ILDR2: variants seen among roughly 807,000 people sequenced by gnomAD.
ILDR2 encodes immunoglobulin like domain containing receptor 2.
A neutral mutation model predicts 66.8 loss-of-function variants in ILDR2; 25 were observed. The observed-to-expected ratio is 0.37, with a 90% CI of 0.27 to 0.52. ILDR2 has a LOEUF of 0.52. ILDR2 is among the 20% of genes least tolerant of loss of function. The pLI is 0.88. For missense variants in ILDR2, 827 were observed against 876.8 expected (o/e 0.94, Z 0.72); for synonymous variants, 367 against 357.2 (o/e 1.03, Z -0.31).
intron 3 of ILDR2, among the ~76,000 whole-genome samples, chr1:166,943,475 G>A (rs1014457996): frequency 4.6e-5 from 5 of 108,308 alleles, no homozygotes; most frequent in African/African-American, 1.1e-4. Flanking sequence ...CTGGGCGACA[G>A]AGCGAGACTC....
chr1:166,970,517 A>G (rs1057456385), intron 1 of ILDR2, among the ~76,000 whole-genome samples: 2 of 152,198 alleles, frequency 1.3e-5, no homozygotes, highest in Admixed American at 6.5e-5. Flanking sequence ...ATTTAAGACC[A>G]AGATCCAAAC....
At chr1:166,955,291 C>T (rs1662212224) in intron 3 of ILDR2, among the ~76,000 whole-genome samples, 1 of 152,154 alleles carries the variant, frequency 6.6e-6, no homozygotes, top group Non-Finnish European at 1.5e-5. Context: ...AGACCATTAT[C>T]ACCTTAATCC....
chr1:166,967,152 G>C (rs919534341), intron 1 of ILDR2, among the ~76,000 whole-genome samples: 1 of 152,204 alleles, frequency 6.6e-6, no homozygotes, highest in African/African-American at 2.4e-5. Flanking sequence ...TAGGAGAAGC[G>C]ATGTGTGTAA....
Position 166,908,610 on chromosome 1 carries a change from CA to C in ILDR2, c.*10744del. On this transcript the variant is annotated 3_prime_UTR_variant, in exon 10 of 10. Transcript: ENST00000271417. ...TCTTGAAACTGTCTGGAACCTCTAACAAAAAAAGTAGAAGGTGAATAATTAG... is the reference window on the plus strand; with the variant it reads ...TCTTGAAACTGTCTGGAACCTCTAACAAAAAAGTAGAAGGTGAATAATTAG... 6.6e-6 allele frequency: 1 copy of C among 152,074 alleles called. No homozygotes were observed. The highest frequency in any genetic ancestry group is 1.5e-5 in the Non-Finnish European group (1 of 67,980). 9.4% of individuals were successfully genotyped at this position (152,074 alleles called of 1,614,324 possible). A position where few individuals can be genotyped will look rare whatever the true frequency, so the allele number is the denominator to read the frequency against.
At position 166,908,335 on chromosome 1, in the gene ILDR2, A is replaced by T. The variant is rs569398969; in HGVS notation, c.*11020T>A. On this transcript the variant is annotated 3_prime_UTR_variant, in exon 10 of 10. Transcript: ENST00000271417. ...GTATCCTCACATGGCAGAGAAAGAG[A>T]GGAAGTAATCTCTCTCCTGTCTCTT... 9.8e-5 allele frequency: 15 copies of T among 152,318 alleles called. No homozygotes were observed. In the East Asian group the frequency reaches 2.9e-3, roughly 29 times the overall value. 9.4% of individuals were successfully genotyped at this position (152,318 alleles called of 1,614,324 possible).
intron 2 of ILDR2, among the ~76,000 whole-genome samples, chr1:166,897,600 C>A (rs1659195051): frequency 6.6e-6 from 1 of 152,172 alleles, no homozygotes; most frequent in Admixed American, 6.5e-5. Flanking sequence ...AGATTGAGTT[C>A]AATCACATGG....
chr1:166,951,359 G>A (rs565043680), intron 3 of ILDR2, among the ~76,000 whole-genome samples: 1 of 152,304 alleles, frequency 6.6e-6, no homozygotes, highest in East Asian at 1.9e-4. Flanking sequence ...ATGGAGATGA[G>A]GAGACAGAGA....
rs1571095211 is a variant in ILDR2, at chr1:166,919,015, A to C, written c.*340T>G. The C allele has an allele frequency of 2.4e-6, 1 of 416,416 alleles. No individual in the cohort carries two copies. The highest frequency in any genetic ancestry group is 3.5e-5 in the East Asian group (1 of 28,796). The allele number at this position is 416,416 out of a possible 1,614,324, so 25.8% of individuals were successfully genotyped here. On this transcript the variant is annotated 3_prime_UTR_variant, in exon 10 of 10. Transcript: ENST00000271417. ...GCATAGGCAATTTCTGGAGTTTAGC[A>C]GTCCAGAGCTAACTCTCTTTCAGAA...
At chr1:166,972,180 C>G (rs529048669) in intron 1 of ILDR2, among the ~76,000 whole-genome samples, 1 of 151,788 alleles carries the variant, frequency 6.6e-6, no homozygotes, top group Admixed American at 6.6e-5. Flanking sequence ...CCAATGCACT[C>G]TGGCCTGGGT....
Position 166,921,502 on chromosome 1 carries a change from CCG to C in ILDR2, c.1212-125_1212-124del. On this transcript the variant is annotated intron_variant, in intron 8 of 9. Transcript: ENST00000271417. The surrounding 1 kb of genome is among the most constrained non-coding windows in gnomAD (Gnocchi z 5.3). ...GGAGACCTCGGCCTGAGCCTCAGCT[CCG>C]CTCCAGGCTGGATGAAGCATTCCAG... 1 of 778,918 alleles carries C rather than the reference CCG, an allele frequency of 1.3e-6. No homozygotes were observed. Among genetic ancestry groups the C allele is most frequent in the East Asian group, 2.7e-5 (1 of 36,630 alleles). 48.3% of individuals were successfully genotyped at this position (778,918 alleles called of 1,614,324 possible).
rs1051392771 is a variant in ILDR2, at chr1:166,910,847, G to A, written c.*8508C>T. On this transcript the variant is annotated 3_prime_UTR_variant, in exon 10 of 10. Transcript: ENST00000271417. ...GAATTAGATAATCATAGGGAAAAAT[G>A]AATTATTTGTTTTGCCTAATTTTAA... 6.6e-6 allele frequency: 1 copy of A among 152,184 alleles called. No individual in the cohort carries two copies. Among genetic ancestry groups the A allele is most frequent in the South Asian group, 2.1e-4 (1 of 4,834 alleles). The allele number at this position is 152,184 out of a possible 1,614,324, so 9.4% of individuals were successfully genotyped here.
chr1:166,922,254 C>G (rs997577789), intron 8 of ILDR2, among the ~76,000 whole-genome samples: 3 of 149,994 alleles, frequency 2.0e-5, no homozygotes, highest in African/African-American at 7.4e-5. Context: ...CTGTCTCTAC[C>G]GAAAAAAACA....
At position 166,913,268 on chromosome 1, in the gene ILDR2, CA is replaced by C. The variant is rs1659512199; in HGVS notation, c.*6086del. The C allele has an allele frequency of 2.0e-5, 3 of 151,724 alleles. No individual in the cohort carries two copies. The highest frequency in any genetic ancestry group is 7.3e-5 in the African/African-American group (3 of 41,294). 9.4% of individuals were successfully genotyped at this position (151,724 alleles called of 1,614,324 possible). A position where few individuals can be genotyped will look rare whatever the true frequency, so the allele number is the denominator to read the frequency against. ...CCAAATTCAATTTGTATGTCTGACA[CA>C]GAAAAAAAAAGTCATGGACAACAGT... is the stretch of plus-strand genomic sequence containing the variant. On this transcript the variant is annotated 3_prime_UTR_variant, in exon 10 of 10. Transcript: ENST00000271417.
chr1:166,920,987 C>A lies in ILDR2; in HGVS notation c.1604G>T (p.Arg535Leu). The change falls in exon 9 of 10, where the codon CGC becomes CTC. Residue 535 changes from arginine (R) to leucine (L), a missense_variant. Physicochemically the swap from Arg to Leu is moderately radical, Grantham distance 102. Around this residue, in one of 2 missense-constraint regions of ILDR2, gnomAD observed 390 missense variants for 353.6 expected, o/e 1.10. Transcript: ENST00000271417. ...DHSYLGSARE[R>L]QARPEGASRG... ...GCTGGCGCCCTCGGGCCGCGCCTGG[C>A]GCTCCCGCGCGCTGCCCAGGTACGA... 2.7e-6 allele frequency: 4 copies of A among 1,493,718 alleles called. No homozygotes were observed. Among genetic ancestry groups the A allele is most frequent in the South Asian group, 2.5e-5 (2 of 78,542 alleles). The allele number at this position is 1,493,718 out of a possible 1,614,324, so 92.5% of individuals were successfully genotyped here.
At position 166,916,053 on chromosome 1, in the gene ILDR2, C is replaced by T. The variant is rs1393992333; in HGVS notation, c.*3302G>A. ...ACTTCCTAATGAATCCATGCATGGC[C>T]TAGAGAAGCAGCTCATCTACCAGGG... On this transcript the variant is annotated 3_prime_UTR_variant, in exon 10 of 10. Coordinates refer to ENST00000271417, the MANE Select transcript of ILDR2 (RefSeq NM_199351.3). 6.6e-6 allele frequency: 1 copy of T among 152,326 alleles called. No individual in the cohort carries two copies. Among genetic ancestry groups the T allele is most frequent in the Non-Finnish European group, 1.5e-5 (1 of 68,164 alleles). The allele number at this position is 152,326 out of a possible 1,614,324, so 9.4% of individuals were successfully genotyped here. A position where few individuals can be genotyped will look rare whatever the true frequency, so the allele number is the denominator to read the frequency against.
chr1:166,958,119 C>A lies in ILDR2; in HGVS notation c.47-18G>T. On this transcript the variant is annotated intron_variant, in intron 1 of 9. Coordinates refer to ENST00000271417, the MANE Select transcript of ILDR2 (RefSeq NM_199351.3). The stretch of plus-strand genomic sequence containing the variant: ...GACCATGGCTGCAAAACAGAATAAA[C>A]ATGTCCGAACAGTGTCCATATCCTG... 1 of 1,588,374 alleles carries A rather than the reference C, an allele frequency of 6.3e-7. No individual in the cohort carries two copies. The highest frequency in any genetic ancestry group is 8.6e-7 in the Non-Finnish European group (1 of 1,161,028).
At chr1:166,959,914 T>C (rs1662511326) in intron 1 of ILDR2, among the ~76,000 whole-genome samples, 1 of 152,218 alleles carries the variant, frequency 6.6e-6, no homozygotes, top group Non-Finnish European at 1.5e-5. Flanking sequence ...TTCAAGTAGC[T>C]TGGGGCAGAG....
intron 9 of ILDR2, among the ~76,000 whole-genome samples, chr1:166,920,394 G>A (rs115509251): frequency 0.011 from 1,681 of 152,272 alleles, 35 homozygotes; most frequent in African/African-American, 0.038. Context: ...GATCCCTGAT[G>A]CTAAAGGCTT....
chr1:166,973,740 G>A (rs963400012), intron 1 of ILDR2, among the ~76,000 whole-genome samples: 18 of 151,966 alleles, frequency 1.2e-4, no homozygotes, highest in African/African-American at 4.4e-4. Context: ...AGTGAGGGTG[G>A]GAGTGGAAGG....
Sources: gnomAD v4.1 joint callset for allele counts (sites outside exome capture counted in the v4.1 genomes callset) on GRCh38, gnomAD v4.1.1 for gene constraint, gnomAD v4.1.1 regional missense constraint, Gnocchi (gnomAD v3.1) non-coding constraint, MANE v1.5 for transcripts, NCBI Gene and HGNC (gene_info 2026-07-23, HGNC 2026-07-21) for gene names.